LRP2: variants seen among roughly 807,000 people sequenced by gnomAD.
LRP2 encodes the protein LDL receptor related protein 2, also known as low-density lipoprotein receptor-related protein 2.
LRP2 carries 172 observed loss-of-function variants against 531.0 expected under a neutral mutation model. The observed-to-expected ratio is 0.32, with a 90% CI of 0.29 to 0.37. LRP2 has a LOEUF of 0.37. LRP2 is among the 10% of genes least tolerant of loss of function. LRP2 has a pLI of 1.00. For missense variants in LRP2, 5,167 were observed against 5,868.3 expected, an observed-to-expected ratio of 0.88 and a Z score of 3.90; for synonymous variants, 1,992 against 2,027.6, an observed-to-expected ratio of 0.98 and a Z score of 0.47.
At chr2:169,237,036 A>ATGTTAC in intron 28 of LRP2, 67 bp downstream of exon 28, 1 of 1,341,096 alleles carries the variant, frequency 7.5e-7, no homozygotes, top group Non-Finnish European at 1.1e-6. Context: ...CAGCTACATC[A>ATGTTAC]TGTTACTGTT....
At chr2:169,246,072 G>A (rs1295332609) in intron 21 of LRP2, among the ~76,000 whole-genome samples, 1 of 152,104 alleles carries the variant, frequency 6.6e-6, no homozygotes, top group Non-Finnish European at 1.5e-5. Context: ...GCATGTGCCT[G>A]TAGTCCTAGC....
intron 12 of LRP2, among the ~76,000 whole-genome samples, chr2:169,278,756 T>C (rs1683622813): frequency 6.6e-6 from 1 of 152,220 alleles, no homozygotes; most frequent in Non-Finnish European, 1.5e-5. Flanking sequence ...TAAGACCCAA[T>C]TGTGAAATTC....
intron 1 of LRP2, among the ~76,000 whole-genome samples, chr2:169,326,334 GC>G (rs1313180932): frequency 2.0e-5 from 3 of 151,596 alleles, no homozygotes; most frequent in Non-Finnish European, 2.9e-5. Context: ...TCCTGCCTCA[GC>G]CTGCCGAGTG....
At chr2:169,215,504 G>T (rs75000978) in intron 35 of LRP2, among the ~76,000 whole-genome samples, 1 of 151,878 alleles carries the variant, frequency 6.6e-6, no homozygotes, top group Non-Finnish European at 1.5e-5. Context: ...AGAAAGTTTC[G>T]CATGTGCATT....
rs1203496853 is a variant in LRP2, at chr2:169,318,785, C to A, written c.287G>T (p.Gly96Val). 6.2e-7 allele frequency: 1 copy of A among 1,614,126 alleles called. No individual in the cohort carries two copies. The highest frequency in any genetic ancestry group is 1.7e-5 in the Admixed American group (1 of 60,006). Residue 96 changes from glycine (G) to valine (V), a missense_variant, in exon 3 of 79, where the codon GGC (glycine) becomes GTC (valine). Gly to Val is a moderately radical substitution (Grantham distance 109). Around this residue, in one of 6 missense-constraint regions of LRP2, gnomAD observed 2,811 missense variants for 3,058.0 expected, o/e 0.92. Coordinates refer to ENST00000649046, the MANE Select transcript of LRP2 (RefSeq NM_004525.3). ...VCDQDQDCDD[G>V]SDERQDCSQS... ...ACAGCAATCTTGACGTTCATCTGAGCCATCATCACAGTCTTGATCTTGGTC... is the reference window on the plus strand; with the variant it reads ...ACAGCAATCTTGACGTTCATCTGAGACATCATCACAGTCTTGATCTTGGTC...
At position 169,127,201 on chromosome 2, in the gene LRP2, T is replaced by C. The variant is rs1183882822; in HGVS notation, c.*1462A>G. 6.6e-6 allele frequency: 1 copy of C among 152,602 alleles called. No individual in the cohort carries two copies. Among genetic ancestry groups the C allele is most frequent in the Non-Finnish European group, 1.5e-5 (1 of 68,022 alleles). The allele number at this position is 152,602 out of a possible 1,614,324, so 9.5% of individuals were successfully genotyped here. The stretch of plus-strand genomic sequence containing the variant: ...GTAATTACAGTCAGCACTCAAAATA[T>C]CAGCAACAAATATTTTGAGAACTCT... On this transcript the variant is annotated 3_prime_UTR_variant, in exon 79 of 79. Coordinates refer to ENST00000649046, the MANE Select transcript of LRP2 (RefSeq NM_004525.3).
intron 38 of LRP2, among the ~76,000 whole-genome samples, chr2:169,207,918 A>C (rs2105335119): frequency 6.6e-6 from 1 of 152,356 alleles, no homozygotes; most frequent in East Asian, 1.9e-4. Context: ...TCTGTTGTTG[A>C]ACTATCAATG....
At chr2:169,242,372 A>G (rs1485332616) in intron 24 of LRP2, among the ~76,000 whole-genome samples, 1 of 152,222 alleles carries the variant, frequency 6.6e-6, no homozygotes, top group Non-Finnish European at 1.5e-5. Context: ...TGAATCCTCC[A>G]ACTAGAAGAA....
intron 70 of LRP2, among the ~76,000 whole-genome samples, chr2:169,143,666 C>A (rs764994158): frequency 8.6e-5 from 13 of 151,960 alleles, no homozygotes; most frequent in East Asian, 1.9e-4. Context: ...AACAAACAAA[C>A]AAAAAAACCT....
chr2:169,172,180 A>C (rs1264317220), intron 57 of LRP2, 46 bp from the exon 58 acceptor site: 1 of 1,612,700 alleles, frequency 6.2e-7, no homozygotes, highest in Non-Finnish European at 8.5e-7. Flanking sequence ...TTGGCAGAGA[A>C]ATGCACAAAG....
chr2:169,266,020 C>T (rs1690785366), intron 16 of LRP2, among the ~76,000 whole-genome samples: 2 of 151,846 alleles, frequency 1.3e-5, no homozygotes, highest in African/African-American at 4.8e-5. Context: ...AAAAACTAAG[C>T]AAATGAAAAT....
chr2:169,173,954 C>A lies in LRP2; in HGVS notation c.10979G>T (p.Cys3660Phe), dbSNP rs1322410051. Residue 3660 changes from cysteine to phenylalanine, a missense_variant, in exon 56 of 79, where the codon TGT becomes TTT. Physicochemically the swap from Cys to Phe is radical, Grantham distance 205. Transcript: ENST00000649046. ...AATGGGCTCATCCGAGTGGTCTCCACAATCATTATCCACATCACACTTCCA... is the reference window on the plus strand; with the variant it reads ...AATGGGCTCATCCGAGTGGTCTCCAAAATCATTATCCACATCACACTTCCA... ...QAWKCDVDND[C>F]GDHSDEPIEE... 5.0e-6 allele frequency: 8 copies of A among 1,614,228 alleles called. No individual in the cohort carries two copies. Among genetic ancestry groups the A allele is most frequent in the Non-Finnish European group, 6.8e-6 (8 of 1,180,042 alleles).
chr2:169,328,046 C>T (rs1574262448), intron 1 of LRP2, among the ~76,000 whole-genome samples: 2 of 142,332 alleles, frequency 1.4e-5, no homozygotes, highest in Admixed American at 6.7e-5. Flanking sequence ...CGGCCAGCCG[C>T]CCCGTCCGGG....
chr2:169,134,066 C>T (rs562236897), intron 76 of LRP2, among the ~76,000 whole-genome samples: 1 of 152,316 alleles, frequency 6.6e-6, no homozygotes, highest in South Asian at 2.1e-4. Context: ...AACAACAACT[C>T]CTTTCCTTCC....
Position 169,318,910 on chromosome 2 carries a change from T to C in LRP2, c.188-26A>G, listed in dbSNP as rs1395348897. The C allele has an allele frequency of 1.9e-6, 3 of 1,613,714 alleles. No individual in the cohort carries two copies. In the African/African-American group the frequency reaches 4.0e-5, roughly 22 times the overall value. On this transcript the variant is annotated intron_variant, in intron 2 of 78. Transcript: ENST00000649046. ...CTAAAACAAACCAAAAGAGGACTCA[T>C]TATGGCAATCATCCTCCCCATTATA...
chr2:169,180,715 C>T (rs1687397278), intron 52 of LRP2, among the ~76,000 whole-genome samples: 1 of 152,212 alleles, frequency 6.6e-6, no homozygotes, highest in Admixed American at 6.5e-5. Flanking sequence ...GAATGAATGG[C>T]ATTTCCATGC....
chr2:169,218,392 A>G (rs1164538837), intron 34 of LRP2, among the ~76,000 whole-genome samples: 1 of 152,124 alleles, frequency 6.6e-6, no homozygotes, highest in Non-Finnish European at 1.5e-5. Flanking sequence ...CTCTTCCACC[A>G]AGCTGAAATG....
intron 41 of LRP2, 52 bp downstream of exon 41, chr2:169,205,427 A>G (rs1360184531): frequency 6.3e-7 from 1 of 1,597,050 alleles, no homozygotes; most frequent in East Asian, 2.2e-5. Context: ...TTCTTTGGAA[A>G]TGGAAGAAAA....
At position 169,254,499 on chromosome 2, in the gene LRP2, C is replaced by T. The variant is rs1315237391; in HGVS notation, c.2770+1607G>A. Among the ~76,000 whole-genome samples, 57 of 53,104 alleles carry T rather than the reference C, an allele frequency of 1.1e-3. 2 individuals are homozygous for T. The highest frequency in any genetic ancestry group is 1.3e-3 in the Non-Finnish European group (39 of 29,870). The allele number at this position is 53,104 out of a possible 152,430, so 34.8% of individuals were successfully genotyped here. On this transcript the variant is annotated intron_variant, in intron 19 of 78. Transcript: ENST00000649046. The stretch of plus-strand genomic sequence containing the variant: ...CACACTCTGGGGACTGTGGTGGGGT[C>T]GGGGGAGGGGGGAGGGATAGCATTG...
Sources: gnomAD v4.1 joint callset for allele counts (sites outside exome capture counted in the v4.1 genomes callset) on GRCh38, gnomAD v4.1.1 for gene constraint, gnomAD v4.1.1 regional missense constraint, MANE v1.5 for transcripts, NCBI Gene and HGNC (gene_info 2026-07-23, HGNC 2026-07-21) for gene names.